The following TTF2 variants were observed in gnomAD, a reference collection of about 807,000 sequenced individuals.
The protein encoded by TTF2 is transcription termination factor 2, also known as RNA polymerase II termination factor.
A neutral mutation model predicts 142.4 loss-of-function variants in TTF2; 108 were observed. That is an observed-to-expected ratio of 0.76 (90% CI 0.65 to 0.89). The LOEUF (loss-of-function observed/expected upper bound fraction) is 0.89, where lower values mean the gene tolerates loss of function less well. Among genes scored for constraint, TTF2 ranks in the 40% least tolerant of loss-of-function variants. TTF2 has a pLI of 0.00. For synonymous variants in TTF2, 483 were observed against 506.2 expected (o/e 0.95, Z 0.61); for missense variants, 1,327 against 1,379.8 (o/e 0.96, Z 0.61).
rs1647315171 is a variant in TTF2, at chr1:117,079,611, T to C, written c.1745T>C (p.Leu582Pro). The C allele has an allele frequency of 6.2e-7, 1 of 1,614,124 alleles. No individual in the cohort carries two copies. The highest frequency in any genetic ancestry group is 1.1e-5 in the South Asian group (1 of 91,096). ...LHQKQALAWL[L>P]WRESQKPQGG... The stretch of plus-strand genomic sequence containing the variant: ...CAGAAGCAGGCATTGGCTTGGTTAC[T>C]ATGGCGAGAAAGTCAGAAGCCACAA... Residue 582 changes from leucine to proline, a missense_variant, in exon 9 of 23, where the codon CTA (leucine) becomes CCA (proline). Transcript: ENST00000369466. The surrounding 1 kb of genome is among the most constrained non-coding windows in gnomAD (Gnocchi z 4.2).
At chr1:117,066,695 CTTTTTTT>C (rs530588185) in intron 3 of TTF2, among the ~76,000 whole-genome samples, 42 of 115,026 alleles carry the variant, frequency 3.7e-4, no homozygotes, top group Middle Eastern at 8.8e-3. Flanking sequence ...CTAATCATGT[CTTTTTTT>C]TTTTTTTTTT....
In TTF2 at chr1:117,097,444, C is replaced by T. The variant is rs368029670; in HGVS notation, c.3269+11C>T. ...TTTGGACATGCACTGGTAATGATTC[C>T]GGATTTGTCCTGGGTTGTCACAGCA... On this transcript the variant is annotated intron_variant, in intron 21 of 22. Transcript: ENST00000369466. The surrounding 1 kb of genome is among the most constrained non-coding windows in gnomAD (Gnocchi z 4.1). The T allele has an allele frequency of 2.2e-5, 36 of 1,613,764 alleles. No homozygotes were observed. Among genetic ancestry groups the T allele is most frequent in the Admixed American group, 5.0e-5 (3 of 59,990 alleles).
chr1:117,072,151 A>G (rs77934968), intron 3 of TTF2, among the ~76,000 whole-genome samples: 3,097 of 152,230 alleles, frequency 0.02, 99 homozygotes, highest in East Asian at 0.12. Flanking sequence ...TAGCTGGAGT[A>G]TGGGCTGTGT....
At chr1:117,091,205 T>G in intron 15 of TTF2, 123 bp from the exon 16 acceptor site, 2 of 710,618 alleles carry the variant, frequency 2.8e-6, no homozygotes, top group South Asian at 2.6e-5. Flanking sequence ...GGCCATTGCT[T>G]CTTATGAGCT....
rs1324639421 is a variant in TTF2, at chr1:117,086,499, C to T, written c.2137C>T (p.Pro713Ser). The T allele has an allele frequency of 6.2e-7, 1 of 1,613,958 alleles. No individual in the cohort carries two copies. ...IPTNKQEAEI[P>S]GANLNVEGTS... ...CACAAACAAGCAAGAGGCAGAGATC[C>T]CAGGTGCAAACCTCAATGTGGAGGT... Residue 713 changes from proline (P) to serine (S), a missense_variant, in exon 12 of 23, where the codon CCA becomes TCA. Coordinates refer to ENST00000369466, the MANE Select transcript of TTF2 (RefSeq NM_003594.4). The surrounding 1 kb of genome is among the most constrained non-coding windows in gnomAD (Gnocchi z 4.2).
Position 117,073,089 on chromosome 1 carries a change from C to G in TTF2, c.219-572C>G, listed in dbSNP as rs889424582. ...GTTTTCCCTTCATCTTTTTTTCTCC[C>G]TCGTAACTTATTTGTGGAAGGGATC... On this transcript the variant is annotated intron_variant, in intron 3 of 22. Transcript: ENST00000369466. This position sits in a 1 kb window ranked among gnomAD's most constrained non-coding sequence, Gnocchi z 4.4. Among the ~76,000 whole-genome samples the G allele has an allele frequency of 2.0e-5, 3 of 152,084 alleles. No individual in the cohort carries two copies. Among genetic ancestry groups the G allele is most frequent in the African/African-American group, 4.8e-5 (2 of 41,408 alleles).
chr1:117,073,513 A>G lies in TTF2; in HGVS notation c.219-148A>G, dbSNP rs1013428579. ...GTTCTGTGCAGTAAATAATTTTTAA[A>G]TGTGTATATAAAAGTAATTGGTTTC... is the stretch of plus-strand genomic sequence containing the variant. On this transcript the variant is annotated intron_variant, in intron 3 of 22. Transcript: ENST00000369466. This position sits in a 1 kb window ranked among gnomAD's most constrained non-coding sequence, Gnocchi z 4.4. 1.7e-6 allele frequency: 1 copy of G among 584,006 alleles called. No homozygotes were observed. Among genetic ancestry groups the G allele is most frequent in the African/African-American group, 1.9e-5 (1 of 53,708 alleles). 36.2% of individuals were successfully genotyped at this position (584,006 alleles called of 1,614,324 possible).
chr1:117,074,707 C>T (rs549967853), intron 4 of TTF2, among the ~76,000 whole-genome samples, 163 bp from the exon 5 acceptor site: 26 of 144,556 alleles, frequency 1.8e-4, no homozygotes, highest in Non-Finnish European at 3.5e-4. Flanking sequence ...AAGAAACTAT[C>T]TATTGGGCAC....
Position 117,063,765 on chromosome 1 carries a change from T to A in TTF2, c.218+1292T>A, listed in dbSNP as rs572514824. ...ACAGAGTTATCCCCTGTAGACTTTA[T>A]CCAGTTTCCCCCAATGGTAACGTTT... On this transcript the variant is annotated intron_variant, in intron 3 of 22. Coordinates refer to ENST00000369466, the MANE Select transcript of TTF2 (RefSeq NM_003594.4). This position sits in a 1 kb window ranked among gnomAD's most constrained non-coding sequence, Gnocchi z 4.1. Among the ~76,000 whole-genome samples the A allele has an allele frequency of 4.6e-5, 7 of 152,350 alleles. No homozygotes were observed. The South Asian group carries it at 1.0e-3, about 23-fold the overall frequency.
At position 117,084,294 on chromosome 1, in the gene TTF2, C is replaced by G. The variant is rs1647814637; in HGVS notation, c.2054+126C>G. ...GTATTTGTGAAAGCCAAAGACAGAT[C>G]TTTAGTCTCGTCACCATACAGCCTT... On this transcript the variant is annotated intron_variant, in intron 11 of 22. Transcript: ENST00000369466. 5 of 1,220,378 alleles carry G rather than the reference C, an allele frequency of 4.1e-6. No individual in the cohort carries two copies. The South Asian group carries it at 7.4e-5, about 18-fold the overall frequency. The allele number at this position is 1,220,378 out of a possible 1,614,324, so 75.6% of individuals were successfully genotyped here. A position where few individuals can be genotyped will look rare whatever the true frequency, so the allele number is the denominator to read the frequency against.
intron 2 of TTF2, 149 bp from the exon 3 acceptor site, chr1:117,062,238 C>G (rs983914163): frequency 1.5e-6 from 1 of 652,992 alleles, no homozygotes; most frequent in Non-Finnish European, 2.6e-6. Context: ...AAAGGAATGC[C>G]CATAGCTGTG....
In TTF2 at chr1:117,092,008, T is replaced by G. The variant is rs1648643177; in HGVS notation, c.2805+58T>G. ...TGCTCCAGAGGGGCCACCTGAGAAG[T>G]CAATTTCACTCTCCTCCAACTGGAA... On this transcript the variant is annotated intron_variant, in intron 17 of 22. Transcript: ENST00000369466. The surrounding 1 kb of genome is among the most constrained non-coding windows in gnomAD (Gnocchi z 4.4). The G allele has an allele frequency of 2.7e-6, 4 of 1,501,014 alleles. No homozygotes were observed. Among genetic ancestry groups the G allele is most frequent in the African/African-American group, 1.4e-5 (1 of 71,908 alleles). 93.0% of individuals were successfully genotyped at this position (1,501,014 alleles called of 1,614,324 possible). A position where few individuals can be genotyped will look rare whatever the true frequency, so the allele number is the denominator to read the frequency against.
At chr1:117,068,009 C>T (rs981459217) in intron 3 of TTF2, among the ~76,000 whole-genome samples, 1 of 152,238 alleles carries the variant, frequency 6.6e-6, no homozygotes, top group Non-Finnish European at 1.5e-5. Flanking sequence ...GGCCATGGCC[C>T]TCTGTGTACA....
In TTF2 at chr1:117,075,637, TGAC is replaced by T; in HGVS notation, c.1059_1061del (p.Asp353del). ...AGGGCCGTGAAGCTGCCACAAGCAG[TGAC>T]GACGAGGAGGAAGATGATGTTGTTT... On this transcript the variant is annotated inframe_deletion, in exon 5 of 23. Coordinates refer to ENST00000369466, the MANE Select transcript of TTF2 (RefSeq NM_003594.4). This position sits in a 1 kb window ranked among gnomAD's most constrained non-coding sequence, Gnocchi z 4.5. 1 of 1,614,112 alleles carries T rather than the reference TGAC, an allele frequency of 6.2e-7. No individual in the cohort carries two copies. The highest frequency in any genetic ancestry group is 1.1e-5 in the South Asian group (1 of 91,080).
rs41312698 is a variant in TTF2, at chr1:117,083,906, G to A, written c.1904-112G>A. The stretch of plus-strand genomic sequence containing the variant: ...GCAGGAGGATCACTTGAGCCTAGGA[G>A]TTTGAGACAGCCTGGGTAACACAGC... On this transcript the variant is annotated intron_variant, in intron 10 of 22. Coordinates refer to ENST00000369466, the MANE Select transcript of TTF2 (RefSeq NM_003594.4). 4.0e-3 allele frequency: 5,313 copies of A among 1,326,236 alleles called. 15 individuals are homozygous for A. Among genetic ancestry groups the A allele is most frequent in the Non-Finnish European group, 5.0e-3 (4,766 of 958,866 alleles). The allele number at this position is 1,326,236 out of a possible 1,614,324, so 82.2% of individuals were successfully genotyped here. A position where few individuals can be genotyped will look rare whatever the true frequency, so the allele number is the denominator to read the frequency against.
chr1:117,098,603 A>G (rs954396894), intron 21 of TTF2: 2 of 438,270 alleles, frequency 4.6e-6, no homozygotes, highest in South Asian at 6.9e-5. Flanking sequence ...AGCTTAGGAC[A>G]GGGATCGACA....
Position 117,062,374 on chromosome 1 carries a change from T to C in TTF2, c.132-13T>C, listed in dbSNP as rs979668354. On this transcript the variant is annotated splice_polypyrimidine_tract_variant and intron_variant, in intron 2 of 22. Coordinates refer to ENST00000369466, the MANE Select transcript of TTF2 (RefSeq NM_003594.4). ...TGACCTAAAAATGTTTTCAACTTTT[T>C]TCTTTTCTCTAGCATTCCTGTTTCC... is the stretch of plus-strand genomic sequence containing the variant. 1 of 1,610,014 alleles carries C rather than the reference T, an allele frequency of 6.2e-7. No individual in the cohort carries two copies. Among genetic ancestry groups the C allele is most frequent in the African/African-American group, 1.3e-5 (1 of 74,618 alleles).
chr1:117,097,264 C>G lies in TTF2; in HGVS notation c.3187-87C>G. ...AATTTGATAGGAACACAGTGCTTAT[C>G]TGTATTGATTGTGGACTTAAACCTG... On this transcript the variant is annotated intron_variant, in intron 20 of 22. Transcript: ENST00000369466. The surrounding 1 kb of genome is among the most constrained non-coding windows in gnomAD (Gnocchi z 4.1). The G allele has an allele frequency of 8.8e-7, 1 of 1,139,988 alleles. No individual in the cohort carries two copies. Among genetic ancestry groups the G allele is most frequent in the Non-Finnish European group, 1.3e-6 (1 of 750,894 alleles). The allele number at this position is 1,139,988 out of a possible 1,614,324, so 70.6% of individuals were successfully genotyped here.
In TTF2 at chr1:117,101,056, ACTTACCAAG is replaced by A. The variant is rs1649546869; in HGVS notation, c.3345-323_3345-315del. Among the ~76,000 whole-genome samples the A allele has an allele frequency of 6.6e-6, 1 of 152,234 alleles. No homozygotes were observed. Among genetic ancestry groups the A allele is most frequent in the Non-Finnish European group, 1.5e-5 (1 of 68,042 alleles). The stretch of plus-strand genomic sequence containing the variant: ...TTTGATAACCTTTGAGGCCTTATGG[ACTTACCAAG>A]GTAGAACTTTTTGGGTAAAAGCTGG... On this transcript the variant is annotated intron_variant, in intron 22 of 22. Coordinates refer to ENST00000369466, the MANE Select transcript of TTF2 (RefSeq NM_003594.4). The surrounding 1 kb of genome is among the most constrained non-coding windows in gnomAD (Gnocchi z 5.9).
Sources: gnomAD v4.1 joint callset for allele counts (sites outside exome capture counted in the v4.1 genomes callset) on GRCh38, gnomAD v4.1.1 for gene constraint, Gnocchi (gnomAD v3.1) non-coding constraint, MANE v1.5 for transcripts, NCBI Gene and HGNC (gene_info 2026-07-23, HGNC 2026-07-21) for gene names.